Variants in PIBF1 observed in about 807,000 individuals in gnomAD.
PIBF1 encodes progesterone immunomodulatory binding factor 1, also known as progesterone-induced-blocking factor 1.
In PIBF1, 90 loss-of-function variants were observed where a neutral mutation model predicts 112.5. That is an observed-to-expected ratio of 0.80 (90% CI 0.67 to 0.95). The LOEUF is 0.95. Ranked by LOEUF, PIBF1 falls within the 40% of genes least tolerant of loss-of-function variation. The probability of loss-of-function intolerance (pLI) is 0.00; values close to 1 mark genes in which losing one functional copy is unlikely to be tolerated. For synonymous variants in PIBF1, 301 were observed against 288.6 expected, an observed-to-expected ratio of 1.04 and a Z score of -0.44; for missense variants, 915 against 852.3, an observed-to-expected ratio of 1.07 and a Z score of -0.92.
chr13:72,857,182 G>C (rs562660495), intron 10 of PIBF1, among the ~76,000 whole-genome samples: 9 of 152,174 alleles, frequency 5.9e-5, no homozygotes, highest in Admixed American at 5.2e-4. Context: ...AGGTCACTAG[G>C]GTAGCCAGCT....
chr13:72,863,342 T>A (rs1167026705), intron 10 of PIBF1, among the ~76,000 whole-genome samples: 1 of 152,044 alleles, frequency 6.6e-6, no homozygotes, highest in Non-Finnish European at 1.5e-5. Context: ...AAAAATAAAA[T>A]TTTTTCCACA....
At position 72,854,138 on chromosome 13, in the gene PIBF1, C is replaced by T. The variant is rs765558198; in HGVS notation, c.1305C>T (p.His435=). ...CTGAAAAGGATGCTTTAGAAAAACA[C>T]GATCAGCTCTTAGACAGGTAAGCAT... ...VMAEKDALEK[H]DQLLDRYREL... The change falls in exon 10 of 18, where the codon CAC becomes CAT. Residue 435 remains histidine (H), a synonymous_variant. Transcript: ENST00000326291. The T allele has an allele frequency of 5.0e-6, 8 of 1,605,846 alleles. No homozygotes were observed. The African/African-American group carries it at 5.4e-5, about 11-fold the overall frequency.
chr13:72,930,417 A>G (rs1323084626), intron 13 of PIBF1, among the ~76,000 whole-genome samples: 1 of 152,192 alleles, frequency 6.6e-6, no homozygotes, highest in Non-Finnish European at 1.5e-5. Context: ...CTTTGGAGCA[A>G]TATGTCTTCT....
chr13:72,844,754 C>CACACGGATGAAGTCTTACTGTTT (rs1555296150), intron 9 of PIBF1, among the ~76,000 whole-genome samples: 57 of 102,192 alleles, frequency 5.6e-4, no homozygotes, highest in South Asian at 1.5e-3. Flanking sequence ...CACACACACA[C>CACACGGATGAAGTCTTACTGTTT]ACACACACAC....
intron 2 of PIBF1, among the ~76,000 whole-genome samples, chr13:72,791,257 T>C (rs1280974278): frequency 1.3e-5 from 2 of 152,118 alleles, no homozygotes; most frequent in African/African-American, 2.4e-5. Flanking sequence ...AGTTTTACTA[T>C]GTTAGCCAGT....
chr13:72,960,612 CTTAG>C (rs2042578787), intron 14 of PIBF1, among the ~76,000 whole-genome samples: 1 of 152,106 alleles, frequency 6.6e-6, no homozygotes, highest in African/African-American at 2.4e-5. Context: ...CATAAATGTT[CTTAG>C]TTATTCCCTG....
intron 12 of PIBF1, among the ~76,000 whole-genome samples, chr13:72,912,332 T>TAA (rs570143742): frequency 8.7e-5 from 13 of 149,676 alleles, no homozygotes; most frequent in African/African-American, 2.9e-4. Flanking sequence ...ACTCAGTGAT[T>TAA]AAAAAAAAAA....
At chr13:72,900,107 CACAA>C (rs2040427397) in intron 11 of PIBF1, among the ~76,000 whole-genome samples, 1 of 152,072 alleles carries the variant, frequency 6.6e-6, no homozygotes, top group African/African-American at 2.4e-5. Context: ...TCATAGATGA[CACAA>C]ACAAATGGAA....
Position 72,854,155 on chromosome 13 carries a change from G to A in PIBF1, c.1322G>A (p.Arg441Lys). The A allele has an allele frequency of 6.3e-7, 1 of 1,575,178 alleles. No individual in the cohort carries two copies. The highest frequency in any genetic ancestry group is 8.7e-7 in the Non-Finnish European group (1 of 1,145,778). ...GAAAAACACGATCAGCTCTTAGACA[G>A]GTAAGCATCATAAAAATAGAAATGT... ...ALEKHDQLLD[R>K]YRELQLSTES... Residue 441 changes from arginine (R) to lysine (K), a missense_variant and splice_region_variant, in exon 10 of 18, where the codon AGG becomes AAG. Arg to Lys is a conservative substitution (Grantham distance 26). Transcript: ENST00000326291.
intron 12 of PIBF1, among the ~76,000 whole-genome samples, chr13:72,916,397 A>ATATAT (rs1566443966): frequency 1.4e-5 from 2 of 138,152 alleles, no homozygotes; most frequent in Admixed American, 1.4e-4. Context: ...CATCTCAAAA[A>ATATAT]ATATATATAT....
intron 5 of PIBF1, among the ~76,000 whole-genome samples, chr13:72,811,444 A>G (rs906329629): frequency 2.3e-4 from 35 of 152,006 alleles, no homozygotes; most frequent in African/African-American, 7.5e-4. Flanking sequence ...AAAAATACAA[A>G]AATCAGCTGG....
At chr13:72,897,915 A>C (rs9543168) in intron 11 of PIBF1, among the ~76,000 whole-genome samples, 16,772 of 152,244 alleles carry the variant, frequency 0.11, 1,265 homozygotes, top group Non-Finnish European at 0.17. Context: ...GTCAACAAAG[A>C]AACAATGGAT....
At chr13:72,823,956 G>T (rs2036006255) in intron 6 of PIBF1, among the ~76,000 whole-genome samples, 1 of 152,174 alleles carries the variant, frequency 6.6e-6, no homozygotes, top group East Asian at 1.9e-4. Context: ...CTTTGAGTAG[G>T]CAGAGAAAGT....
At chr13:72,912,796 T>G (rs1051193503) in intron 12 of PIBF1, among the ~76,000 whole-genome samples, 1 of 152,114 alleles carries the variant, frequency 6.6e-6, no homozygotes, top group Non-Finnish European at 1.5e-5. Context: ...ACAATTGACT[T>G]ACTTAACAAC....
chr13:72,839,948 T>G (rs1052592747), intron 9 of PIBF1, among the ~76,000 whole-genome samples: 6 of 152,144 alleles, frequency 3.9e-5, no homozygotes, highest in African/African-American at 1.4e-4. Context: ...TTCCTGGGAT[T>G]GGGGCTGCCC....
chr13:72,835,901 T>C (rs890316597), intron 9 of PIBF1, among the ~76,000 whole-genome samples: 10 of 151,814 alleles, frequency 6.6e-5, no homozygotes, highest in African/African-American at 2.4e-4. Context: ...AGATCGAGAC[T>C]ATCCTGGCTA....
At chr13:72,899,149 T>A (rs2040392872) in intron 11 of PIBF1, among the ~76,000 whole-genome samples, 1 of 151,822 alleles carries the variant, frequency 6.6e-6, no homozygotes, top group African/African-American at 2.4e-5. Context: ...TTACCAAAAA[T>A]AAAGTCCAGG....
chr13:72,874,082 C>T (rs924412909), intron 10 of PIBF1, among the ~76,000 whole-genome samples: 2 of 152,104 alleles, frequency 1.3e-5, no homozygotes, highest in Non-Finnish European at 2.9e-5. Flanking sequence ...TTTTAAAACA[C>T]GGATATTACC....
chr13:72,792,471 A>G lies in PIBF1; in HGVS notation c.277A>G (p.Asn93Asp). 1 of 1,570,586 alleles carries G rather than the reference A, an allele frequency of 6.4e-7. No homozygotes were observed. The highest frequency in any genetic ancestry group is 8.6e-7 in the Non-Finnish European group (1 of 1,161,448). Reference sequence around the variant, plus strand: ...GATTGAAGAATTGGAGGAGAAACTTAATGATGCACTTCACCAGAAGCAGCT... The same window carrying G: ...GATTGAAGAATTGGAGGAGAAACTTGATGATGCACTTCACCAGAAGCAGCT... ...TKIEELEEKL[N>D]DALHQKQLLT... The change falls in exon 3 of 18, where the codon AAT (asparagine) becomes GAT (aspartate). Residue 93 changes from asparagine (N) to aspartate (D), a missense_variant. Asn to Asp is a conservative substitution (Grantham distance 23). Coordinates refer to ENST00000326291, the MANE Select transcript of PIBF1 (RefSeq NM_006346.4).
Sources: gnomAD v4.1 joint callset for allele counts (sites outside exome capture counted in the v4.1 genomes callset) on GRCh38, gnomAD v4.1.1 for gene constraint, MANE v1.5 for transcripts, NCBI Gene and HGNC (gene_info 2026-07-23, HGNC 2026-07-21) for gene names.